Variants in DRAM1 observed in about 807,000 individuals in gnomAD.
The protein encoded by DRAM1 is DNA damage regulated autophagy modulator 1, also known as DNA damage-regulated autophagy modulator protein 1.
A neutral mutation model predicts 28.5 loss-of-function variants in DRAM1; 25 were observed. The observed-to-expected ratio is 0.88, with a 90% confidence interval of 0.64 to 1.23. The LOEUF (loss-of-function observed/expected upper bound fraction) is 1.23. DRAM1 is among the 50% of genes most tolerant of loss of function. DRAM1 has a pLI of 0.00. For missense variants in DRAM1, 249 were observed against 299.2 expected (o/e 0.83, Z 1.24); for synonymous variants, 113 against 114.2 (o/e 0.99, Z 0.07).
chr12:101,878,114 T>G (rs1872561216), intron 1 of DRAM1, among the ~76,000 whole-genome samples, 194 bp downstream of exon 1: 1 of 152,150 alleles, frequency 6.6e-6, no homozygotes, highest in Admixed American at 6.5e-5. Flanking sequence ...TGAGCACTTC[T>G]GCCTGTACCC....
intron 1 of DRAM1, among the ~76,000 whole-genome samples, chr12:101,893,091 G>A (rs1873200386): frequency 6.6e-6 from 1 of 152,154 alleles, no homozygotes. Flanking sequence ...GCAGTATTTG[G>A]CAGAAAGGTT....
At chr12:101,893,314 TTTTA>T (rs1873211247) in intron 1 of DRAM1, among the ~76,000 whole-genome samples, 1 of 152,184 alleles carries the variant, frequency 6.6e-6, no homozygotes, top group Non-Finnish European at 1.5e-5. Context: ...CAAATTTTGT[TTTTA>T]TTTATTTATT....
rs199802931 is a variant in DRAM1, at chr12:101,883,025, C to G, written c.131+5105C>G. On this transcript the variant is annotated intron_variant, in intron 1 of 6. Transcript: ENST00000258534. Reference sequence around the variant, plus strand: ...TTAAAGGATACTTCAAGTGAAAGCTCTCTGTACCTAGCAGATTTTTACGTC... The same window carrying G: ...TTAAAGGATACTTCAAGTGAAAGCTGTCTGTACCTAGCAGATTTTTACGTC... 2.6e-5 allele frequency among the ~76,000 whole-genome samples: 4 copies of G among 151,010 alleles called. 1 individual carries two copies. The highest frequency in any genetic ancestry group is 9.7e-5 in the African/African-American group (4 of 41,366).
Position 101,895,186 on chromosome 12 carries a change from G to GTTTTTTTTTTTTTTTTTTTTT in DRAM1, c.132-2667_132-2647dup, listed in dbSNP as rs574722379. Among the ~76,000 whole-genome samples the GTTTTTTTTTTTTTTTTTTTTT allele has an allele frequency of 8.7e-4, 66 of 75,722 alleles. 4 individuals are homozygous for GTTTTTTTTTTTTTTTTTTTTT. The East Asian group carries it at 0.011, about 12-fold the overall frequency. The allele number at this position is 75,722 out of a possible 152,430, so 49.7% of individuals were successfully genotyped here. Reference sequence around the variant, plus strand: ...TAATGCTAAATTCGAAACCCTTCAGGTTTTTTTTTTTTTTTTTTTTTTTTT... The same window carrying GTTTTTTTTTTTTTTTTTTTTT: ...TAATGCTAAATTCGAAACCCTTCAGGTTTTTTTTTTTTTTTTTTTTTTTTTTTTTTTTTTTTTTTTTTTTTT... On this transcript the variant is annotated intron_variant, in intron 1 of 6. Coordinates refer to ENST00000258534, the MANE Select transcript of DRAM1 (RefSeq NM_018370.3).
chr12:101,912,970 C>T (rs980038256), intron 4 of DRAM1, among the ~76,000 whole-genome samples: 19 of 152,210 alleles, frequency 1.2e-4, no homozygotes, highest in African/African-American at 3.6e-4. Flanking sequence ...TCAGGTGATT[C>T]GCCTGCCTCA....
intron 1 of DRAM1, among the ~76,000 whole-genome samples, chr12:101,883,655 C>T (rs1057350820): frequency 2.7e-5 from 4 of 148,702 alleles, no homozygotes; most frequent in African/African-American, 7.4e-5. Context: ...AACATGAGGC[C>T]GGGCGCAGTG....
chr12:101,901,040 C>T (rs1417655456), intron 2 of DRAM1, among the ~76,000 whole-genome samples: 1 of 150,846 alleles, frequency 6.6e-6, no homozygotes, highest in Non-Finnish European at 1.5e-5. Flanking sequence ...AATACATGTA[C>T]TATAATAGCA....
chr12:101,896,949 G>A (rs373301667), intron 1 of DRAM1, among the ~76,000 whole-genome samples: 2 of 151,936 alleles, frequency 1.3e-5, no homozygotes, highest in East Asian at 3.9e-4. Context: ...CACCATGGCC[G>A]GCTAATTTTG....
At chr12:101,883,469 A>T (rs530824647) in intron 1 of DRAM1, among the ~76,000 whole-genome samples, 33 of 151,276 alleles carry the variant, frequency 2.2e-4, no homozygotes, top group African/African-American at 7.7e-4. Flanking sequence ...ACGTGCCACC[A>T]CACCTGGCTA....
chr12:101,920,608 A>G (rs958738403), intron 6 of DRAM1, among the ~76,000 whole-genome samples: 1 of 152,204 alleles, frequency 6.6e-6, no homozygotes, highest in African/African-American at 2.4e-5. Context: ...AAGTAAATAT[A>G]TCTTTTTTAA....
chr12:101,898,081 C>T (rs1873454187), intron 2 of DRAM1, 151 bp downstream of exon 2: 6 of 497,078 alleles, frequency 1.2e-5, no homozygotes, highest in South Asian at 9.1e-5. Context: ...AGTGCAGTGG[C>T]GTGATCACGG....
chr12:101,918,512 A>T (rs1358564749), intron 5 of DRAM1, among the ~76,000 whole-genome samples: 1 of 152,184 alleles, frequency 6.6e-6, no homozygotes, highest in Non-Finnish European at 1.5e-5. Context: ...ACAGTGGGTG[A>T]GTGTGACCAT....
chr12:101,915,841 T>A (rs117218374), intron 5 of DRAM1, among the ~76,000 whole-genome samples: 2,488 of 152,280 alleles, frequency 0.016, 22 homozygotes, highest in Non-Finnish European at 0.02. Flanking sequence ...ATTACAGGCG[T>A]GAACCACCAC....
chr12:101,890,774 G>C lies in DRAM1; in HGVS notation c.132-7089G>C, dbSNP rs1363843461. On this transcript the variant is annotated intron_variant, in intron 1 of 6. Coordinates refer to ENST00000258534, the MANE Select transcript of DRAM1 (RefSeq NM_018370.3). ...ATTTTTTTTTTTTTTTTTTTGAGTC[G>C]GCGTCTTGCTCTGTCACCCAGGCTG... 1.3e-4 allele frequency among the ~76,000 whole-genome samples: 17 copies of C among 135,074 alleles called. No individual in the cohort carries two copies. The East Asian group carries it at 1.7e-3, about 14-fold the overall frequency. The allele number at this position is 135,074 out of a possible 152,430, so 88.6% of individuals were successfully genotyped here.
chr12:101,878,543 C>G (rs2120989984), intron 1 of DRAM1, among the ~76,000 whole-genome samples: 1 of 152,298 alleles, frequency 6.6e-6, no homozygotes, highest in East Asian at 1.9e-4. Flanking sequence ...GCACTGTGAC[C>G]CCAAAGTCCT....
intron 1 of DRAM1, among the ~76,000 whole-genome samples, chr12:101,886,692 T>C (rs547705580): frequency 5.6e-4 from 85 of 152,356 alleles, no homozygotes; most frequent in Non-Finnish European, 7.8e-4. Context: ...CTTGCTTCTC[T>C]TACCCATGTC....
Position 101,881,228 on chromosome 12 carries a change from C to T in DRAM1, c.131+3308C>T, listed in dbSNP as rs149453317. The stretch of plus-strand genomic sequence containing the variant: ...CAGGGAGGCAGAGGTTGCCGTGAAC[C>T]GAGACTGTGCCACTGCACTCCAGTC... On this transcript the variant is annotated intron_variant, in intron 1 of 6. Coordinates refer to ENST00000258534, the MANE Select transcript of DRAM1 (RefSeq NM_018370.3). Among the ~76,000 whole-genome samples the T allele has an allele frequency of 4.8e-3, 732 of 152,256 alleles. 4 individuals are homozygous for T. Among genetic ancestry groups the T allele is most frequent in the African/African-American group, 0.017 (692 of 41,552 alleles).
intron 5 of DRAM1, among the ~76,000 whole-genome samples, chr12:101,914,669 C>A (rs1018606238): frequency 6.6e-6 from 1 of 151,654 alleles, no homozygotes; most frequent in African/African-American, 2.4e-5. Flanking sequence ...TTGTTTTGTT[C>A]TTTTCTGAGA....
intron 3 of DRAM1, 82 bp from the exon 4 acceptor site, chr12:101,908,104 A>G: frequency 1.6e-6 from 2 of 1,256,218 alleles, no homozygotes; most frequent in Admixed American, 4.7e-5. Context: ...CAATGGCTCA[A>G]AGCAGCCCAG....
Sources: allele counts gnomAD v4.1 joint callset (sites outside exome capture counted in the v4.1 genomes callset), GRCh38; gene constraint gnomAD v4.1.1; transcripts MANE v1.5; gene names NCBI Gene and HGNC (gene_info 2026-07-23, HGNC 2026-07-21).